PARP4: variants seen among roughly 807,000 people sequenced by gnomAD.
PARP4 encodes protein mono-ADP-ribosyltransferase PARP4.
In PARP4, 120 loss-of-function variants were observed where a neutral mutation model predicts 187.7. That is an observed-to-expected ratio of 0.64 (90% confidence interval 0.55 to 0.74). The LOEUF (loss-of-function observed/expected upper bound fraction) is 0.74. Ranked by LOEUF, PARP4 falls within the 30% of genes least tolerant of loss-of-function variation. PARP4 has a pLI of 0.00. For missense variants in PARP4, 1,836 were observed against 2,070.5 expected, an observed-to-expected ratio of 0.89 and a Z score of 2.20; for synonymous variants, 654 against 740.9, an observed-to-expected ratio of 0.88 and a Z score of 1.90.
intron 17 of PARP4, among the ~76,000 whole-genome samples, chr13:24,468,106 GC>G (rs545666785): frequency 1.8e-3 from 268 of 152,196 alleles, no homozygotes; most frequent in African/African-American, 6.2e-3. Context: ...CAAACATATG[GC>G]CCCATCTGCA....
At chr13:24,431,544 G>A (rs1458405324) in intron 31 of PARP4, 68 bp from the exon 32 acceptor site, 4 of 989,872 alleles carry the variant, frequency 4.0e-6, no homozygotes, top group Non-Finnish European at 3.1e-6. Context: ...GTTACGTAGT[G>A]GGGGAAGGAG....
At chr13:24,467,044 C>T (rs909183493) in intron 17 of PARP4, among the ~76,000 whole-genome samples, 3 of 152,094 alleles carry the variant, frequency 2.0e-5, no homozygotes, top group Non-Finnish European at 4.4e-5. Context: ...CAAAATTCAA[C>T]AGTACGCTAT....
In PARP4 at chr13:24,477,841, A is replaced by T; in HGVS notation, c.1649T>A (p.Val550Asp). The T allele has an allele frequency of 1.3e-6, 2 of 1,578,146 alleles. No homozygotes were observed. The highest frequency in any genetic ancestry group is 1.7e-6 in the Non-Finnish European group (2 of 1,165,290). ...CATTTTAACCTGATTGGTTTTATAG[A>T]CAACAAATTCATCATCCTAGAGCAA... ...TTDFEDDEFVVYKTNQVKMKY... is the reference protein window; with the variant it reads ...TTDFEDDEFVDYKTNQVKMKY... The change falls in exon 14 of 34, where the codon GTC becomes GAC. Residue 550 changes from valine (V) to aspartate (D), a missense_variant. Physicochemically the swap from Val to Asp is radical, Grantham distance 152 (BLOSUM62 -3). Transcript: ENST00000381989.
chr13:24,431,682 C>G (rs1179972290), intron 31 of PARP4, among the ~76,000 whole-genome samples: 2 of 152,178 alleles, frequency 1.3e-5, no homozygotes, highest in Non-Finnish European at 2.9e-5. Flanking sequence ...TAAAATAAAA[C>G]TTTAACAAAT....
intron 6 of PARP4, among the ~76,000 whole-genome samples, chr13:24,497,701 G>A (rs562805249): frequency 1.3e-5 from 2 of 152,280 alleles, no homozygotes; most frequent in South Asian, 2.1e-4. Flanking sequence ...CCTCAACAAC[G>A]GGATTGTGTT....
intron 20 of PARP4, among the ~76,000 whole-genome samples, chr13:24,456,835 G>T (rs1028543836): frequency 5.9e-5 from 9 of 152,196 alleles, no homozygotes; most frequent in Admixed American, 2.6e-4. Context: ...AGGAGGTAAA[G>T]GTTGCAGTGA....
At chr13:24,489,873 G>C (rs771731366) in intron 10 of PARP4, among the ~76,000 whole-genome samples, 2 of 152,094 alleles carry the variant, frequency 1.3e-5, no homozygotes, top group African/African-American at 4.8e-5. Flanking sequence ...AATCCTCCCC[G>C]TGTCCAATTT....
chr13:24,468,874 C>T (rs760235377), intron 17 of PARP4, 150 bp downstream of exon 17: 8 of 591,188 alleles, frequency 1.4e-5, no homozygotes, highest in South Asian at 7.1e-5. Context: ...GTCTGACTGG[C>T]GTGGCTTCCC....
At position 24,475,635 on chromosome 13, in the gene PARP4, T is replaced by A. The variant is rs374868692; in HGVS notation, c.1790-39A>T. 11 of 1,597,986 alleles carry A rather than the reference T, an allele frequency of 6.9e-6. No homozygotes were observed. In the African/African-American group the frequency reaches 1.5e-4, roughly 21 times the overall value. On this transcript the variant is annotated intron_variant, in intron 14 of 33. Transcript: ENST00000381989. ...ATGTTACTATTAGCTTTCAAAACCA[T>A]CCCTGTCTATTTTTGTTATCTTGAT...
intron 33 of PARP4, among the ~76,000 whole-genome samples, chr13:24,425,574 T>A (rs1376463034): frequency 9.5e-6 from 1 of 105,788 alleles, no homozygotes; most frequent in Admixed American, 9.1e-5. Context: ...TGTGTGTATA[T>A]CTATATCTAT....
intron 1 of PARP4, among the ~76,000 whole-genome samples, chr13:24,505,159 G>A (rs1287128239): frequency 6.7e-6 from 1 of 148,696 alleles, no homozygotes; most frequent in Non-Finnish European, 1.5e-5. Context: ...CACACACAGA[G>A]GAGAAAGAAA....
intron 1 of PARP4, among the ~76,000 whole-genome samples, chr13:24,508,064 T>C (rs1283432834): frequency 6.6e-6 from 1 of 152,202 alleles, no homozygotes; most frequent in Non-Finnish European, 1.5e-5. Flanking sequence ...CCTCTCACAT[T>C]CAATTAGCAT....
At position 24,434,678 on chromosome 13, in the gene PARP4, C is replaced by T. The variant is rs751424393; in HGVS notation, c.4463G>A (p.Cys1488Tyr). 6 of 1,614,122 alleles carry T rather than the reference C, an allele frequency of 3.7e-6. No homozygotes were observed. Among genetic ancestry groups the T allele is most frequent in the African/African-American group, 1.3e-5 (1 of 75,022 alleles). The change falls in exon 31 of 34, where the codon TGC becomes TAC. Residue 1488 changes from cysteine to tyrosine, a missense_variant. Around this residue, in one of 8 missense-constraint regions of PARP4, gnomAD observed 450 missense variants for 439.2 expected, o/e 1.02. Coordinates refer to ENST00000381989, the MANE Select transcript of PARP4 (RefSeq NM_006437.4). ...TACTGGGGTAGTCCGGGACTGACTGCAAAGAGCCTCAGGTAAAGCAGAGGC... is the reference window on the plus strand; with the variant it reads ...TACTGGGGTAGTCCGGGACTGACTGTAAAGAGCCTCAGGTAAAGCAGAGGC... ...PMASALPEAL[C>Y]SQSRTTPVDL... is the part of the protein sequence containing the mutation.
At chr13:24,436,225 C>A (rs145891125) in intron 30 of PARP4, among the ~76,000 whole-genome samples, 1 of 152,164 alleles carries the variant, frequency 6.6e-6, no homozygotes, top group Non-Finnish European at 1.5e-5. Context: ...TCAATTATTG[C>A]AGTTTTTATA....
intron 32 of PARP4, among the ~76,000 whole-genome samples, 190 bp downstream of exon 32, chr13:24,431,187 A>G (rs1275541683): frequency 6.6e-6 from 1 of 152,176 alleles, no homozygotes; most frequent in Non-Finnish European, 1.5e-5. Context: ...TAATACCCTA[A>G]TTAGTGGTAA....
chr13:24,446,846 C>T (rs1244440429), intron 26 of PARP4, 85 bp from the exon 27 acceptor site: 2 of 1,357,098 alleles, frequency 1.5e-6, no homozygotes. Flanking sequence ...TGGTGATTTT[C>T]TCTCCCCTTT....
chr13:24,469,281 T>C (rs187314519), intron 16 of PARP4, among the ~76,000 whole-genome samples, 171 bp from the exon 17 acceptor site: 15 of 152,330 alleles, frequency 9.8e-5, no homozygotes, highest in African/African-American at 1.7e-4. Context: ...TGATAAGAAC[T>C]TGAACCAGAA....
At chr13:24,505,290 G>A (rs557896973) in intron 1 of PARP4, among the ~76,000 whole-genome samples, 3 of 152,154 alleles carry the variant, frequency 2.0e-5, no homozygotes, top group Non-Finnish European at 2.9e-5. Flanking sequence ...AGTCTTACAG[G>A]CTAAGGGTAC....
chr13:24,425,913 C>G (rs1409734872), intron 33 of PARP4, among the ~76,000 whole-genome samples: 1 of 152,030 alleles, frequency 6.6e-6, no homozygotes, highest in African/African-American at 2.4e-5. Context: ...GGCAAACCCT[C>G]TTAGGGTGCT....
Sources: allele counts gnomAD v4.1 joint callset (sites outside exome capture counted in the v4.1 genomes callset), GRCh38; gene constraint gnomAD v4.1.1; regional missense constraint gnomAD v4.1.1; transcripts MANE v1.5; gene names NCBI Gene and HGNC (gene_info 2026-07-23, HGNC 2026-07-21).